The following TMEM132D variants were observed in gnomAD, a reference collection of about 807,000 sequenced individuals.
TMEM132D encodes mature OL transmembrane protein.
In TMEM132D, 21 loss-of-function variants were observed where a neutral mutation model predicts 62.3. The observed-to-expected ratio is 0.34, with a 90% CI of 0.24 to 0.49. The LOEUF (loss-of-function observed/expected upper bound fraction) is 0.49, where lower values mean the gene tolerates loss of function less well. TMEM132D is among the 20% of genes least tolerant of loss of function. The probability of loss-of-function intolerance (pLI) is 0.99; values close to 1 mark genes in which losing one functional copy is unlikely to be tolerated. For synonymous variants in TMEM132D, 621 were observed against 575.6 expected, an observed-to-expected ratio of 1.08 and a Z score of -1.13; for missense variants, 1,346 against 1,402.8, an observed-to-expected ratio of 0.96 and a Z score of 0.65.
At chr12:129,643,846 C>CT (rs1879701904) in intron 2 of TMEM132D, among the ~76,000 whole-genome samples, 3 of 117,712 alleles carry the variant, frequency 2.5e-5, no homozygotes, top group Non-Finnish European at 5.6e-5. Flanking sequence ...ACCAATGTAC[C>CT]ATTTTTTTTT....
At chr12:129,179,619 C>T (rs1043470913) in intron 5 of TMEM132D, among the ~76,000 whole-genome samples, 4 of 152,290 alleles carry the variant, frequency 2.6e-5, no homozygotes, top group South Asian at 2.1e-4. Flanking sequence ...ACAAAATTCA[C>T]GGACTTTTCT....
At chr12:129,235,620 C>T (rs1593306132) in intron 4 of TMEM132D, among the ~76,000 whole-genome samples, 2 of 152,014 alleles carry the variant, frequency 1.3e-5, no homozygotes, top group Admixed American at 1.3e-4. Context: ...GACATTTAGT[C>T]GGCCTCATTT....
At chr12:129,233,232 C>T (rs1395382041) in intron 4 of TMEM132D, among the ~76,000 whole-genome samples, 4 of 152,216 alleles carry the variant, frequency 2.6e-5, no homozygotes, top group Non-Finnish European at 5.9e-5. Flanking sequence ...CCCTGTGTGT[C>T]TCCAGCAGCT....
intron 5 of TMEM132D, among the ~76,000 whole-genome samples, chr12:129,125,153 G>C (rs750194983): frequency 1.3e-5 from 2 of 152,172 alleles, no homozygotes; most frequent in Non-Finnish European, 2.9e-5. Context: ...AATGTGACAT[G>C]TTCCTGGAAG....
intron 5 of TMEM132D, among the ~76,000 whole-genome samples, chr12:129,147,329 C>CAT (rs1876941886): frequency 6.7e-6 from 1 of 148,742 alleles, no homozygotes; most frequent in African/African-American, 2.5e-5. Context: ...TATATATATA[C>CAT]ATATATATTT....
rs1422657519 is a variant in TMEM132D, at chr12:129,385,542, G to C, written c.1116-47725C>G. Among the ~76,000 whole-genome samples the C allele has an allele frequency of 2.0e-5, 3 of 152,192 alleles. 1 individual carries two copies. The highest frequency in any genetic ancestry group is 1.3e-4 in the Admixed American group (2 of 15,272). On this transcript the variant is annotated intron_variant, in intron 3 of 8. Coordinates refer to ENST00000422113, the MANE Select transcript of TMEM132D (RefSeq NM_133448.3). The stretch of plus-strand genomic sequence containing the variant: ...TACCTCCTGGCCACCAACCAGCCTA[G>C]TAAGTGCTATATAACTGGTTGATTT...
chr12:129,347,397 T>C (rs1163580165), intron 3 of TMEM132D, among the ~76,000 whole-genome samples: 1 of 152,052 alleles, frequency 6.6e-6, no homozygotes, highest in Admixed American at 6.5e-5. Flanking sequence ...ACCTCTGAAA[T>C]AACACCACAC....
intron 4 of TMEM132D, among the ~76,000 whole-genome samples, chr12:129,323,748 T>A (rs557504406): frequency 5.9e-5 from 9 of 152,334 alleles, no homozygotes; most frequent in African/African-American, 1.7e-4. Context: ...GCTGGCTTCA[T>A]TCAGGGTCAC....
At chr12:129,470,184 G>C in intron 3 of TMEM132D, among the ~76,000 whole-genome samples, 1 of 152,202 alleles carries the variant, frequency 6.6e-6, no homozygotes, top group East Asian at 1.9e-4. Context: ...GACTATAAAA[G>C]CGATTTGTTT....
chr12:129,493,032 T>C (rs376539569), intron 3 of TMEM132D, among the ~76,000 whole-genome samples: 3 of 152,216 alleles, frequency 2.0e-5, no homozygotes, highest in African/African-American at 7.2e-5. Flanking sequence ...AGCTCGGAAA[T>C]AGGGAATCCA....
intron 4 of TMEM132D, among the ~76,000 whole-genome samples, chr12:129,267,353 A>G (rs939870129): frequency 6.6e-6 from 1 of 152,198 alleles, no homozygotes; most frequent in Non-Finnish European, 1.5e-5. Flanking sequence ...ATACAAAATC[A>G]ATGTGCGAAA....
chr12:129,319,927 T>C (rs74779115), intron 4 of TMEM132D, among the ~76,000 whole-genome samples: 1,886 of 152,334 alleles, frequency 0.012, 43 homozygotes, highest in African/African-American at 0.043. Context: ...GCTACAATGA[T>C]GATGGACTGT....
At chr12:129,200,608 GA>G (rs1179684692) in intron 5 of TMEM132D, among the ~76,000 whole-genome samples, 1 of 152,126 alleles carries the variant, frequency 6.6e-6, no homozygotes, top group Non-Finnish European at 1.5e-5. Context: ...TGCAGGTGGA[GA>G]AAAAAAGAAG....
intron 5 of TMEM132D, among the ~76,000 whole-genome samples, chr12:129,202,399 G>A (rs1878730184): frequency 1.3e-5 from 2 of 152,174 alleles, no homozygotes; most frequent in South Asian, 2.1e-4. Flanking sequence ...AACTGTATGA[G>A]CTGTGGGTTT....
intron 1 of TMEM132D, among the ~76,000 whole-genome samples, chr12:129,778,670 A>C (rs567750646): frequency 6.6e-6 from 1 of 152,366 alleles, no homozygotes; most frequent in South Asian, 2.1e-4. Context: ...GTGACTGTAA[A>C]CAATAATCGT....
chr12:129,289,655 T>A (rs972758194), intron 4 of TMEM132D, among the ~76,000 whole-genome samples: 3 of 151,750 alleles, frequency 2.0e-5, no homozygotes, highest in Non-Finnish European at 4.4e-5. Flanking sequence ...CAACTTGACT[T>A]CAATCACAAA....
intron 2 of TMEM132D, among the ~76,000 whole-genome samples, chr12:129,574,872 C>T (rs984166361): frequency 6.6e-6 from 1 of 151,686 alleles, no homozygotes. Flanking sequence ...AAGGAAGCAG[C>T]CAGGTCAAAA....
chr12:129,183,706 TC>T (rs1387455688), intron 5 of TMEM132D, among the ~76,000 whole-genome samples: 1 of 152,252 alleles, frequency 6.6e-6, no homozygotes, highest in Non-Finnish European at 1.5e-5. Context: ...TGGGCCAGTG[TC>T]TTGTCAAAGG....
chr12:129,581,075 G>A lies in TMEM132D; in HGVS notation c.969-49870C>T, dbSNP rs571596030. Among the ~76,000 whole-genome samples the A allele has an allele frequency of 6.6e-5, 10 of 152,264 alleles. No homozygotes were observed. The South Asian group carries it at 1.9e-3, about 28-fold the overall frequency. The stretch of plus-strand genomic sequence containing the variant: ...CTGCCGGCAGGGGTCATGGTGGCTT[G>A]GTGTCATCCTTGCAGTATTGAGTGA... On this transcript the variant is annotated intron_variant, in intron 2 of 8. Coordinates refer to ENST00000422113, the MANE Select transcript of TMEM132D (RefSeq NM_133448.3).
Sources: allele counts gnomAD v4.1 joint callset (sites outside exome capture counted in the v4.1 genomes callset), GRCh38; gene constraint gnomAD v4.1.1; transcripts MANE v1.5; gene names NCBI Gene and HGNC (gene_info 2026-07-23, HGNC 2026-07-21).